IL36B: variants seen among roughly 807,000 people sequenced by gnomAD.
IL36B encodes interleukin-36 beta.
IL36B carries 23 observed loss-of-function variants against 19.3 expected under a neutral mutation model. That is an observed-to-expected ratio of 1.19 (90% CI 0.86 to 1.69). The LOEUF is 1.69. Among genes scored for constraint, IL36B ranks in the 40% most tolerant of loss-of-function variants. The pLI is 0.00. For synonymous variants in IL36B, 59 were observed against 59.7 expected (o/e 0.99, Z 0.05); for missense variants, 217 against 200.5 (o/e 1.08, Z -0.50).
intron 1 of IL36B, among the ~76,000 whole-genome samples, chr2:113,042,103 G>A (rs1406765695): frequency 2.6e-5 from 4 of 152,126 alleles, no homozygotes; most frequent in African/African-American, 9.7e-5. Context: ...ACCAGCCATG[G>A]GTTTCAGCAC....
chr2:113,034,945 A>G (rs559751150), intron 1 of IL36B, among the ~76,000 whole-genome samples: 1 of 152,324 alleles, frequency 6.6e-6, no homozygotes, highest in South Asian at 2.1e-4. Context: ...ATGTGATTTT[A>G]CTGAAGTGTG....
In IL36B at chr2:113,031,088, A is replaced by G. The variant is rs1431737652; in HGVS notation, c.81T>C (p.Asn27=). 6.2e-7 allele frequency: 1 copy of G among 1,614,154 alleles called. No individual in the cohort carries two copies. The highest frequency in any genetic ancestry group is 2.2e-5 in the East Asian group (1 of 44,888). ...GGCTAAGAGGAGCTGCTATTAAAGAATTTCCACTCAGGACCCACACCATCT... is the reference window on the plus strand; with the variant it reads ...GGCTAAGAGGAGCTGCTATTAAAGAGTTTCCACTCAGGACCCACACCATCT... Residue 27 remains asparagine, a synonymous_variant, in exon 3 of 6, where the codon AAT becomes AAC. Transcript: ENST00000259213.
chr2:113,025,757 T>C (rs1440345176), intron 5 of IL36B, among the ~76,000 whole-genome samples: 2 of 152,136 alleles, frequency 1.3e-5, no homozygotes, highest in Admixed American at 6.5e-5. Flanking sequence ...TGCAAAGGCA[T>C]GAGCAGGAAC....
chr2:113,037,072 A>T (rs115909512), intron 1 of IL36B, among the ~76,000 whole-genome samples: 1,788 of 152,310 alleles, frequency 0.012, 32 homozygotes, highest in African/African-American at 0.041. Context: ...GTGCGCTCAG[A>T]AGTGCTTAAG....
intron 1 of IL36B, among the ~76,000 whole-genome samples, chr2:113,036,512 A>C (rs1362851229): frequency 2.0e-5 from 3 of 152,172 alleles, no homozygotes; most frequent in African/African-American, 7.2e-5. Context: ...GAGGGCATCC[A>C]ACCCTTGATA....
At chr2:113,034,991 C>A (rs548365968) in intron 1 of IL36B, among the ~76,000 whole-genome samples, 1 of 152,342 alleles carries the variant, frequency 6.6e-6, no homozygotes, top group Non-Finnish European at 1.5e-5. Context: ...CTCTAACCTT[C>A]CCAGCACCAG....
chr2:113,031,827 C>T lies in IL36B; in HGVS notation c.-57-61G>A, dbSNP rs755597236. 1.0e-4 allele frequency: 82 copies of T among 813,886 alleles called. 1 individual carries two copies. In the South Asian group the frequency reaches 1.0e-3, roughly 10 times the overall value. 50.4% of individuals were successfully genotyped at this position (813,886 alleles called of 1,614,324 possible). ...GAAACATGTTATGCTTTTTTCTCCT[C>T]TCCCCCTAAAATTTTACTGTAAAAA... On this transcript the variant is annotated intron_variant, in intron 1 of 5. Transcript: ENST00000259213.
intron 1 of IL36B, among the ~76,000 whole-genome samples, chr2:113,043,346 AAT>A (rs1424803814): frequency 2.8e-4 from 43 of 152,354 alleles, no homozygotes; most frequent in African/African-American, 9.6e-4. Context: ...GTATCTAAGA[AAT>A]CTTTGCTTAA....
intron 1 of IL36B, among the ~76,000 whole-genome samples, chr2:113,039,538 G>A (rs1307194822): frequency 1.3e-5 from 2 of 152,126 alleles, no homozygotes; most frequent in Non-Finnish European, 2.9e-5. Flanking sequence ...TTAAATTAAT[G>A]GAGAGTATAT....
At chr2:113,026,307 G>T in intron 4 of IL36B, 1 of 1,590,006 alleles carries the variant, frequency 6.3e-7, no homozygotes, top group Non-Finnish European at 8.6e-7. Context: ...TGGTTGCACG[G>T]CAATGACTGG....
rs1446219502 is a variant in IL36B at position 113,039,893 on chromosome 2, T to A, written c.-57-8127A>T. Among the ~76,000 whole-genome samples, 7 of 152,260 alleles carry A rather than the reference T, an allele frequency of 4.6e-5. No individual in the cohort carries two copies. In the East Asian group the frequency reaches 1.2e-3, roughly 25 times the overall value. ...AAGGGAAACTGCTGACATCGGTGAA[T>A]AAGCATAAGACAAGGCATGCAGGCA... On this transcript the variant is annotated intron_variant, in intron 1 of 5. Transcript: ENST00000259213.
At chr2:113,035,043 C>A (rs1573370922) in intron 1 of IL36B, among the ~76,000 whole-genome samples, 1 of 152,224 alleles carries the variant, frequency 6.6e-6, no homozygotes, top group African/African-American at 2.4e-5. Context: ...CTTGGAAGAA[C>A]TTGGCAGAAA....
intron 2 of IL36B, among the ~76,000 whole-genome samples, chr2:113,031,376 T>C (rs994995298): frequency 6.6e-6 from 1 of 152,114 alleles, no homozygotes; most frequent in African/African-American, 2.4e-5. Context: ...AGATTCACCT[T>C]TTTCTAGGGC....
At position 113,027,668 on chromosome 2, in the gene IL36B, C is replaced by T. The variant is rs1684989090; in HGVS notation, c.261+1271G>A. 9 of 1,357,806 alleles carry T rather than the reference C, an allele frequency of 6.6e-6. No individual in the cohort carries two copies. The South Asian group carries it at 1.5e-4, about 22-fold the overall frequency. 84.1% of individuals were successfully genotyped at this position (1,357,806 alleles called of 1,614,324 possible). A position where few individuals can be genotyped will look rare whatever the true frequency, so the allele number is the denominator to read the frequency against. Reference sequence around the variant, plus strand: ...AGCTGAGTGGATGGTGGGGTAAGATCAAGAAAGAATGGAAAGTGATTTTTA... The same window carrying T: ...AGCTGAGTGGATGGTGGGGTAAGATTAAGAAAGAATGGAAAGTGATTTTTA... On this transcript the variant is annotated intron_variant, in intron 4 of 5. Transcript: ENST00000259213.
chr2:113,039,305 C>T (rs895170907), intron 1 of IL36B, among the ~76,000 whole-genome samples: 1 of 152,162 alleles, frequency 6.6e-6, no homozygotes, highest in Non-Finnish European at 1.5e-5. Flanking sequence ...ACTCAGGGAA[C>T]ACCCAAAGAG....
At chr2:113,041,159 AC>A (rs1451704383) in intron 1 of IL36B, among the ~76,000 whole-genome samples, 3 of 135,542 alleles carry the variant, frequency 2.2e-5, no homozygotes, top group Non-Finnish European at 4.8e-5. Flanking sequence ...TTTGCCACAC[AC>A]AAAAAAAAAG....
intron 1 of IL36B, among the ~76,000 whole-genome samples, chr2:113,045,953 T>G (rs1364768086): frequency 6.6e-6 from 1 of 152,234 alleles, no homozygotes; most frequent in East Asian, 1.9e-4. Flanking sequence ...ATACTGTGTC[T>G]GAATTTCCTG....
At chr2:113,027,973 T>C (rs959216178) in intron 4 of IL36B, 3 of 1,614,080 alleles carry the variant, frequency 1.9e-6, no homozygotes, top group African/African-American at 2.7e-5. Flanking sequence ...AAAGATGGGC[T>C]GTCCTGATGT....
At chr2:113,032,858 T>C (rs976738868) in intron 1 of IL36B, among the ~76,000 whole-genome samples, 1 of 152,190 alleles carries the variant, frequency 6.6e-6, no homozygotes, top group African/African-American at 2.4e-5. Flanking sequence ...TCTGGAGGAC[T>C]GACAGTGGAG....
Sources: allele counts gnomAD v4.1 joint callset (sites outside exome capture counted in the v4.1 genomes callset), GRCh38; gene constraint gnomAD v4.1.1; transcripts MANE v1.5; gene names NCBI Gene and HGNC (gene_info 2026-07-23, HGNC 2026-07-21).